Variants in KANK1 observed in about 807,000 individuals in gnomAD.
KANK1 encodes KN motif and ankyrin repeat domain-containing protein 1.
In KANK1, 109 loss-of-function variants were observed where a neutral mutation model predicts 106.2. The observed-to-expected ratio is 1.03, with a 90% CI of 0.88 to 1.20. KANK1 has a LOEUF of 1.20. Among genes scored for constraint, KANK1 ranks in the 50% most tolerant of loss-of-function variants. The probability of loss-of-function intolerance (pLI) is 0.00; values close to 1 mark genes in which losing one functional copy is unlikely to be tolerated. For synonymous variants in KANK1, 873 were observed against 652.2 expected, an observed-to-expected ratio of 1.34 and a Z score of -5.16; for missense variants, 2,399 against 1,710.7, an observed-to-expected ratio of 1.40 and a Z score of -7.10.
chr9:492,345 C>T (rs1287428737), intron 3 of KANK1: 3 of 152,206 alleles, frequency 2.0e-5, no homozygotes, highest in African/African-American at 4.8e-5. Context: ...TAGAGAGAAT[C>T]AGTATAGCTT....
intron 1 of KANK1, among the ~76,000 whole-genome samples, chr9:608,628 C>T (rs1829872662): frequency 6.7e-6 from 1 of 149,146 alleles, no homozygotes; most frequent in Admixed American, 6.6e-5. Flanking sequence ...ATCAGGACAT[C>T]ATCACGACTG....
intron 1 of KANK1, among the ~76,000 whole-genome samples, chr9:548,330 A>G (rs1357276818): frequency 6.6e-6 from 1 of 152,212 alleles, no homozygotes; most frequent in Non-Finnish European, 1.5e-5. Flanking sequence ...TATTTTAGGT[A>G]TTAACTCAGG....
intron 1 of KANK1, among the ~76,000 whole-genome samples, chr9:627,474 T>TGA (rs1834638512): frequency 6.6e-6 from 1 of 152,200 alleles, no homozygotes; most frequent in Admixed American, 6.5e-5. Flanking sequence ...GTAAGCTTGA[T>TGA]TATCAGGATA....
At chr9:563,780 G>A (rs763287680) in intron 1 of KANK1, among the ~76,000 whole-genome samples, 1 of 152,146 alleles carries the variant, frequency 6.6e-6, no homozygotes, top group Admixed American at 6.5e-5. Context: ...GACCACTGAC[G>A]CAGCAAATTC....
intron 1 of KANK1, among the ~76,000 whole-genome samples, chr9:579,617 C>A (rs1157071032): frequency 2.0e-5 from 3 of 152,104 alleles, no homozygotes; most frequent in Non-Finnish European, 4.4e-5. Context: ...GGTCTCACAT[C>A]TTTATGTGGT....
At chr9:703,028 G>A (rs544258043) in intron 2 of KANK1, among the ~76,000 whole-genome samples, 21 of 152,184 alleles carry the variant, frequency 1.4e-4, no homozygotes, top group East Asian at 7.7e-4. Context: ...GTCTCTCTCT[G>A]TTGCCCAGGC....
At chr9:658,922 C>G (rs984535908) in intron 1 of KANK1, among the ~76,000 whole-genome samples, 1 of 152,106 alleles carries the variant, frequency 6.6e-6, no homozygotes, top group Admixed American at 6.5e-5. Flanking sequence ...GTGGAAAGAC[C>G]CTTAAGGACC....
At chr9:527,849 T>C (rs1324676509) in intron 1 of KANK1, among the ~76,000 whole-genome samples, 3 of 151,280 alleles carry the variant, frequency 2.0e-5, no homozygotes, top group Non-Finnish European at 4.4e-5. Context: ...CCCTCACTTC[T>C]CTTTAAAAGT....
chr9:526,625 A>G (rs564011197), intron 1 of KANK1, among the ~76,000 whole-genome samples: 7 of 151,896 alleles, frequency 4.6e-5, no homozygotes, highest in South Asian at 2.1e-4. Flanking sequence ...TCATACTTCA[A>G]AAAGTCAAGT....
chr9:498,256 C>G (rs1009873332), intron 3 of KANK1, among the ~76,000 whole-genome samples: 5 of 152,182 alleles, frequency 3.3e-5, no homozygotes, highest in African/African-American at 1.2e-4. Flanking sequence ...ACTAATTGCA[C>G]CACACGAAGG....
In KANK1 at chr9:712,138, C is replaced by A; in HGVS notation, c.1372C>A (p.Gln458Lys). The change falls in exon 3 of 12, where the codon CAA becomes AAA. Residue 458 changes from glutamine to lysine, a missense_variant. Gln to Lys is a moderately conservative substitution (Grantham distance 53). Transcript: ENST00000382297. The part of the protein sequence containing the change: ...MTEADKEIEL[Q>K]QQTIESLKEK... ...TGAAGCTGACAAAGAAATTGAGCTG[C>A]AACAGCAGACCATAGAATCCTTGAA... is the stretch of plus-strand genomic sequence containing the variant. The A allele has an allele frequency of 6.2e-7, 1 of 1,614,094 alleles. No homozygotes were observed. Among genetic ancestry groups the A allele is most frequent in the Admixed American group, 1.7e-5 (1 of 60,020 alleles).
chr9:528,866 C>T (rs1017860941), intron 1 of KANK1, among the ~76,000 whole-genome samples: 7 of 151,992 alleles, frequency 4.6e-5, no homozygotes, highest in African/African-American at 7.3e-5. Context: ...GTCTTATGAT[C>T]ACTGCTCACT....
At chr9:736,014 G>T (rs368958345) in intron 7 of KANK1, among the ~76,000 whole-genome samples, 83 of 152,260 alleles carry the variant, frequency 5.5e-4, no homozygotes, top group African/African-American at 1.9e-3. Flanking sequence ...CTGGAGTGCA[G>T]TGGCGTGATC....
At chr9:580,375 C>G (rs921595806) in intron 1 of KANK1, among the ~76,000 whole-genome samples, 9 of 152,196 alleles carry the variant, frequency 5.9e-5, no homozygotes, top group African/African-American at 2.2e-4. Context: ...AGCTTCCACA[C>G]TGTGGGAGGG....
At chr9:472,126 C>T (rs2058032722) in intron 2 of KANK1, among the ~76,000 whole-genome samples, 1 of 152,178 alleles carries the variant, frequency 6.6e-6, no homozygotes, top group Non-Finnish European at 1.5e-5. Context: ...ACTTTTCTAT[C>T]AGGGAATACA....
At position 712,126 on chromosome 9, in the gene KANK1, G is replaced by C; in HGVS notation, c.1360G>C (p.Glu454Gln). 3 of 1,614,118 alleles carry C rather than the reference G, an allele frequency of 1.9e-6. No individual in the cohort carries two copies. The highest frequency in any genetic ancestry group is 2.5e-6 in the Non-Finnish European group (3 of 1,180,014). The change falls in exon 3 of 12, where the codon GAA (glutamate) becomes CAA (glutamine). Residue 454 changes from glutamate to glutamine, a missense_variant. Transcript: ENST00000382297. Reference protein sequence around the residue: ...MLGVMTEADKEIELQQQTIES... With the variant: ...MLGVMTEADKQIELQQQTIES... ...TGGAGTGATGACTGAAGCTGACAAA[G>C]AAATTGAGCTGCAACAGCAGACCAT...
At chr9:531,695 A>C (rs2133544271) in intron 1 of KANK1, among the ~76,000 whole-genome samples, 1 of 152,332 alleles carries the variant, frequency 6.6e-6, no homozygotes, top group South Asian at 2.1e-4. Flanking sequence ...CTGTGAAAAA[A>C]GTCTTTATTT....
At chr9:514,852 G>T (rs58370292) in intron 1 of KANK1, among the ~76,000 whole-genome samples, 3,369 of 151,448 alleles carry the variant, frequency 0.022, 215 homozygotes, top group South Asian at 0.11. Flanking sequence ...AGTAGGTACC[G>T]TCAGAGTGGT....
intron 10 of KANK1, 54 bp downstream of exon 10, chr9:742,459 G>A (rs1835896714): frequency 7.0e-7 from 1 of 1,422,810 alleles, no homozygotes; most frequent in Admixed American, 2.0e-5. Context: ...CTCTGGACGG[G>A]AGCTCTGGGA....
Sources: allele counts gnomAD v4.1 joint callset (sites outside exome capture counted in the v4.1 genomes callset), GRCh38; gene constraint gnomAD v4.1.1; transcripts MANE v1.5; gene names NCBI Gene and HGNC (gene_info 2026-07-23, HGNC 2026-07-21).